Variants in COL26A1 observed in about 807,000 individuals in gnomAD.
COL26A1 encodes collagen alpha-1(XXVI) chain.
In COL26A1, 41 loss-of-function variants were observed where a neutral mutation model predicts 59.3. The observed-to-expected ratio is 0.69, with a 90% CI of 0.54 to 0.90. The LOEUF (loss-of-function observed/expected upper bound fraction) is 0.90, where lower values mean the gene tolerates loss of function less well. Ranked by LOEUF, COL26A1 falls within the 40% of genes least tolerant of loss-of-function variation. The probability of loss-of-function intolerance (pLI) is 0.00; values close to 1 mark genes in which losing one functional copy is unlikely to be tolerated. For synonymous variants in COL26A1, 266 were observed against 256.0 expected, an observed-to-expected ratio of 1.04 and a Z score of -0.37; for missense variants, 612 against 602.3, an observed-to-expected ratio of 1.02 and a Z score of -0.17.
Position 101,443,630 on chromosome 7 carries a change from C to A in COL26A1, c.282-4054C>A, listed in dbSNP as rs534741123. ...TGATCAAGCAGCAGTTATGACAATG[C>A]ACGTAAAGTGAATAATAAAAGCTGA... On this transcript the variant is annotated intron_variant, in intron 2 of 12. Transcript: ENST00000313669. Among the ~76,000 whole-genome samples, 9 of 152,248 alleles carry A rather than the reference C, an allele frequency of 5.9e-5. No homozygotes were observed. The South Asian group carries it at 1.0e-3, about 18-fold the overall frequency.
intron 3 of COL26A1, among the ~76,000 whole-genome samples, chr7:101,500,241 G>GA (rs1399338147): frequency 8.6e-5 from 13 of 152,004 alleles, no homozygotes; most frequent in Admixed American, 8.5e-4. Context: ...GGATTGCCGG[G>GA]AGGGGGGGCA....
intron 1 of COL26A1, among the ~76,000 whole-genome samples, chr7:101,397,984 G>A (rs1470766560): frequency 6.6e-6 from 1 of 152,142 alleles, no homozygotes. Flanking sequence ...AGGTAACCAT[G>A]GTTCTGATTT....
At chr7:101,436,740 G>T (rs1283006044) in intron 2 of COL26A1, among the ~76,000 whole-genome samples, 1 of 149,570 alleles carries the variant, frequency 6.7e-6, no homozygotes, top group Non-Finnish European at 1.5e-5. Context: ...TTTTGAGACA[G>T]AGTCTCACTC....
intron 11 of COL26A1, among the ~76,000 whole-genome samples, chr7:101,555,057 C>T (rs544165015): frequency 2.6e-5 from 4 of 152,138 alleles, no homozygotes; most frequent in African/African-American, 9.7e-5. Context: ...ATTCTGCTGC[C>T]AACTCCCAGG....
rs546033725 is a variant in COL26A1 at position 101,479,739 on chromosome 7, T to C, written c.385+31952T>C. ...TGCCTCTTTATAAAATTTCCTCTAT[T>C]CTTTGTTTCTGGAACTCCTTTTATT... On this transcript the variant is annotated intron_variant, in intron 3 of 12. Coordinates refer to ENST00000313669, the MANE Select transcript of COL26A1 (RefSeq NM_001278563.3). Among the ~76,000 whole-genome samples, 34 of 152,300 alleles carry C rather than the reference T, an allele frequency of 2.2e-4. No individual in the cohort carries two copies. The South Asian group carries it at 6.6e-3, about 30-fold the overall frequency.
intron 1 of COL26A1, among the ~76,000 whole-genome samples, chr7:101,383,472 T>G (rs1028020412): frequency 6.6e-6 from 1 of 152,190 alleles, no homozygotes; most frequent in African/African-American, 2.4e-5. Context: ...GTTCAAATGA[T>G]TATCCTGCCT....
chr7:101,504,469 C>T (rs760041918), intron 3 of COL26A1, among the ~76,000 whole-genome samples: 2 of 152,174 alleles, frequency 1.3e-5, no homozygotes, highest in Non-Finnish European at 2.9e-5. Flanking sequence ...GGCCAACCTC[C>T]TCCCCTGTCT....
intron 2 of COL26A1, among the ~76,000 whole-genome samples, chr7:101,442,442 G>T (rs1405352064): frequency 2.4e-4 from 36 of 151,560 alleles, no homozygotes; most frequent in Non-Finnish European, 4.4e-5. Flanking sequence ...TTCCCCTGCT[G>T]CAGCAGACTC....
At chr7:101,548,777 G>A (rs907102811) in intron 8 of COL26A1, among the ~76,000 whole-genome samples, 10 of 152,140 alleles carry the variant, frequency 6.6e-5, no homozygotes, top group Non-Finnish European at 1.0e-4. Flanking sequence ...CGATGATCAG[G>A]AGGCTGTTAT....
chr7:101,541,042 A>G (rs1163031796), intron 5 of COL26A1, among the ~76,000 whole-genome samples: 1 of 152,218 alleles, frequency 6.6e-6, no homozygotes, highest in African/African-American at 2.4e-5. Flanking sequence ...TCATGGAAAC[A>G]ACCAGCTACT....
At chr7:101,372,891 A>G (rs1791227029) in intron 1 of COL26A1, among the ~76,000 whole-genome samples, 1 of 152,148 alleles carries the variant, frequency 6.6e-6, no homozygotes, top group Non-Finnish European at 1.5e-5. Flanking sequence ...GCTACTCAGG[A>G]GACTGAGGTG....
intron 1 of COL26A1, among the ~76,000 whole-genome samples, chr7:101,391,594 C>G (rs1791729761): frequency 1.3e-5 from 2 of 152,224 alleles, no homozygotes; most frequent in Non-Finnish European, 2.9e-5. Flanking sequence ...GAGTCTCACT[C>G]TTCTGCCCAG....
intron 3 of COL26A1, among the ~76,000 whole-genome samples, chr7:101,530,566 T>TAAA (rs558473831): frequency 0.11 from 9,462 of 90,038 alleles, 892 homozygotes; most frequent in African/African-American, 0.23. Context: ...ACTCTGTCTT[T>TAAA]AAAAAAAAAA....
intron 1 of COL26A1, among the ~76,000 whole-genome samples, chr7:101,376,286 G>A (rs34034933): frequency 0.41 from 61,889 of 152,006 alleles, 14,109 homozygotes; most frequent in Admixed American, 0.54. Flanking sequence ...CAGTGTGGGT[G>A]ACAGAGTGAG....
At position 101,461,409 on chromosome 7, in the gene COL26A1, C is replaced by T. The variant is rs976997977; in HGVS notation, c.385+13622C>T. The stretch of plus-strand genomic sequence containing the variant: ...CGCCTCCCGGGTTCAAGCGATTCTC[C>T]TGCCTCAGCTTCCCAGGTAGCTGGG... On this transcript the variant is annotated intron_variant, in intron 3 of 12. Transcript: ENST00000313669. 4.6e-5 allele frequency among the ~76,000 whole-genome samples: 7 copies of T among 152,116 alleles called. No homozygotes were observed. The South Asian group carries it at 1.5e-3, about 32-fold the overall frequency.
At chr7:101,365,312 A>G (rs2116991323) in intron 1 of COL26A1, among the ~76,000 whole-genome samples, 1 of 152,350 alleles carries the variant, frequency 6.6e-6, no homozygotes, top group South Asian at 2.1e-4. Context: ...AAATGCCTGA[A>G]AAAAGTTTCT....
intron 3 of COL26A1, among the ~76,000 whole-genome samples, chr7:101,488,874 C>T (rs1339081013): frequency 3.9e-5 from 6 of 152,092 alleles, no homozygotes; most frequent in African/African-American, 1.4e-4. Context: ...TGTCTTTGAG[C>T]CAGTTTACAG....
intron 3 of COL26A1, among the ~76,000 whole-genome samples, chr7:101,521,197 A>G: frequency 6.6e-6 from 1 of 152,112 alleles, no homozygotes; most frequent in East Asian, 1.9e-4. Context: ...CACTATCACA[A>G]AAACAGCACG....
chr7:101,364,849 C>T (rs193182527), intron 1 of COL26A1, among the ~76,000 whole-genome samples: 34 of 152,228 alleles, frequency 2.2e-4, no homozygotes, highest in African/African-American at 7.9e-4. Flanking sequence ...GGATTACAGG[C>T]GTGAGCCACC....
Sources: allele counts gnomAD v4.1 joint callset (sites outside exome capture counted in the v4.1 genomes callset), GRCh38; gene constraint gnomAD v4.1.1; transcripts MANE v1.5; gene names NCBI Gene and HGNC (gene_info 2026-07-23, HGNC 2026-07-21).